Variants in CAMK2A observed in about 807,000 individuals in gnomAD.
CAMK2A encodes the protein calcium/calmodulin dependent protein kinase II alpha.
CAMK2A carries 7 observed loss-of-function variants against 79.2 expected under a neutral mutation model. The ratio of observed to expected loss-of-function variants is 0.09; its 90% CI spans 0.05 to 0.17. The LOEUF is 0.17. CAMK2A is among the 10% of genes least tolerant of loss of function. The pLI is 1.00. For missense variants in CAMK2A, 214 were observed against 646.4 expected (o/e 0.33, Z 7.25); for synonymous variants, 242 against 251.7 (o/e 0.96, Z 0.36).
chr5:150,231,924 G>A (rs945606032), intron 15 of CAMK2A, among the ~76,000 whole-genome samples: 1 of 152,106 alleles, frequency 6.6e-6, no homozygotes, highest in Non-Finnish European at 1.5e-5. Flanking sequence ...GCTCTATTTG[G>A]GTGCCGATAG....
intron 15 of CAMK2A, among the ~76,000 whole-genome samples, chr5:150,236,095 CAA>C (rs1755046176): frequency 6.6e-6 from 1 of 152,044 alleles, no homozygotes; most frequent in South Asian, 2.1e-4. Flanking sequence ...GAAAGTGAGC[CAA>C]AATTCAAGAC....
Position 150,256,914 on chromosome 5 carries a change from T to TGG in CAMK2A, c.273-85_273-84dup. On this transcript the variant is annotated intron_variant, in intron 4 of 18. Transcript: ENST00000671881. This position sits in a 1 kb window ranked among gnomAD's most constrained non-coding sequence, Gnocchi z 4.6. ...GGAGGAGTCTCCAGGAAACTAAGGA[T>TGG]GGGGCCCAGGGACCTCAGGACCTCA... 1 of 1,249,066 alleles carries TGG rather than the reference T, an allele frequency of 8.0e-7. No homozygotes were observed. The highest frequency in any genetic ancestry group is 1.4e-5 in the South Asian group (1 of 72,066). The allele number at this position is 1,249,066 out of a possible 1,614,324, so 77.4% of individuals were successfully genotyped here. A position where few individuals can be genotyped will look rare whatever the true frequency, so the allele number is the denominator to read the frequency against.
At chr5:150,252,424 G>A (rs1472402406) in intron 7 of CAMK2A, among the ~76,000 whole-genome samples, 1 of 152,188 alleles carries the variant, frequency 6.6e-6, no homozygotes, top group Non-Finnish European at 1.5e-5. Context: ...ATTGCTGGTG[G>A]CTTCAAGATG....
intron 3 of CAMK2A, among the ~76,000 whole-genome samples, chr5:150,259,327 C>G (rs976330850): frequency 1.3e-5 from 2 of 151,984 alleles, no homozygotes; most frequent in Non-Finnish European, 2.9e-5. Flanking sequence ...CAAGACCAAC[C>G]TGGGCAACAT....
At chr5:150,257,006 G>C (rs920938470) in intron 4 of CAMK2A, among the ~76,000 whole-genome samples, 175 bp from the exon 5 acceptor site, 12 of 152,138 alleles carry the variant, frequency 7.9e-5, no homozygotes, top group Middle Eastern at 3.2e-3. Context: ...CTGTCTTCCA[G>C]AGCACCCTTC....
intron 7 of CAMK2A, 40 bp from the exon 8 acceptor site, chr5:150,252,105 G>T: frequency 6.7e-7 from 1 of 1,485,498 alleles, no homozygotes; most frequent in South Asian, 1.2e-5. Flanking sequence ...CATACACAGA[G>T]GTTGTCTCGT....
chr5:150,231,442 A>C, intron 15 of CAMK2A, 62 bp from the exon 16 acceptor site: 1 of 534,364 alleles, frequency 1.9e-6, no homozygotes, highest in Non-Finnish European at 2.8e-6. Context: ...AATAATAATA[A>C]TAGTGATGGT....
chr5:150,259,240 G>A (rs952047617), intron 3 of CAMK2A, among the ~76,000 whole-genome samples: 9 of 151,864 alleles, frequency 5.9e-5, no homozygotes, highest in Non-Finnish European at 2.9e-5. Flanking sequence ...AAAAATTTAG[G>A]CCAGGTGCGG....
At position 150,268,386 on chromosome 5, in the gene CAMK2A, T is replaced by C. The variant is rs578110455; in HGVS notation, c.158-3371A>G. ...CTCTGTACCTGCTGTGCCTTCTGCCTGGAAAGCTCTTCCCTGGGTCTTCTC... is the reference window on the plus strand; with the variant it reads ...CTCTGTACCTGCTGTGCCTTCTGCCCGGAAAGCTCTTCCCTGGGTCTTCTC... On this transcript the variant is annotated intron_variant, in intron 2 of 18. Transcript: ENST00000671881. Among the ~76,000 whole-genome samples, 64 of 152,308 alleles carry C rather than the reference T, an allele frequency of 4.2e-4. No homozygotes were observed. The Middle Eastern group carries it at 0.01, about 24-fold the overall frequency.
At chr5:150,261,438 G>A (rs954852986) in intron 3 of CAMK2A, among the ~76,000 whole-genome samples, 1 of 152,220 alleles carries the variant, frequency 6.6e-6, no homozygotes, top group African/African-American at 2.4e-5. Flanking sequence ...TCATGGTCCT[G>A]TCTCCTGGTG....
At chr5:150,239,681 G>A (rs747480901) in intron 14 of CAMK2A, 23 bp downstream of exon 14, 95 of 1,612,438 alleles carry the variant, frequency 5.9e-5, no homozygotes, top group Admixed American at 2.5e-4. Flanking sequence ...ATTTACCGGC[G>A]TTAGGAGACG....
At chr5:150,273,239 T>C in intron 1 of CAMK2A, 80 bp from the exon 2 acceptor site, 1 of 1,040,422 alleles carries the variant, frequency 9.6e-7, no homozygotes, top group Non-Finnish European at 1.5e-6. Context: ...TTCACATCAC[T>C]GCCCCACGCT....
chr5:150,253,376 C>T, intron 7 of CAMK2A, 68 bp downstream of exon 7: 3 of 1,293,440 alleles, frequency 2.3e-6, no homozygotes, highest in Non-Finnish European at 3.4e-6. Flanking sequence ...CAGGGGGTTC[C>T]CAGAGGCTTA....
At chr5:150,285,791 T>C (rs901732815) in intron 1 of CAMK2A, among the ~76,000 whole-genome samples, 1 of 152,122 alleles carries the variant, frequency 6.6e-6, no homozygotes, top group Non-Finnish European at 1.5e-5. Flanking sequence ...CTCTCTCAAG[T>C]AAAATCTCCT....
At chr5:150,269,654 C>T (rs1186579029) in intron 2 of CAMK2A, among the ~76,000 whole-genome samples, 1 of 152,068 alleles carries the variant, frequency 6.6e-6, no homozygotes, top group Non-Finnish European at 1.5e-5. Flanking sequence ...AAACCCAGCC[C>T]CATTCTAATA....
chr5:150,289,726 G>T lies in CAMK2A; in HGVS notation c.-101C>A. On this transcript the variant is annotated 5_prime_UTR_variant, in exon 1 of 19. Coordinates refer to ENST00000671881, the MANE Select transcript of CAMK2A (RefSeq NM_015981.4). ...TAGGGACCACTTGCCTGCCCGTGCT[G>T]CCGAGTGCAAACAGAGAACCGGTTT... 5 of 905,870 alleles carry T rather than the reference G, an allele frequency of 5.5e-6. No individual in the cohort carries two copies. In the South Asian group the frequency reaches 6.1e-5, roughly 11 times the overall value. 56.1% of individuals were successfully genotyped at this position (905,870 alleles called of 1,614,324 possible). A position where few individuals can be genotyped will look rare whatever the true frequency, so the allele number is the denominator to read the frequency against.
chr5:150,221,728 C>G lies in CAMK2A; in HGVS notation c.*982G>C. 1 of 373,886 alleles carries G rather than the reference C, an allele frequency of 2.7e-6. No homozygotes were observed. The allele number at this position is 373,886 out of a possible 1,614,324, so 23.2% of individuals were successfully genotyped here. ...CCTTGGCCCCAATAACCACAGGTGA[C>G]AAGGTCCACCTCAGAGATGACAAAA... On this transcript the variant is annotated 3_prime_UTR_variant, in exon 19 of 19. Coordinates refer to ENST00000671881, the MANE Select transcript of CAMK2A (RefSeq NM_015981.4).
At chr5:150,283,205 A>G (rs1757286642) in intron 1 of CAMK2A, among the ~76,000 whole-genome samples, 1 of 152,176 alleles carries the variant, frequency 6.6e-6, no homozygotes, top group Non-Finnish European at 1.5e-5. Flanking sequence ...GCATCTGGAA[A>G]TTGGGGTCAG....
chr5:150,277,904 G>A (rs572048274), intron 1 of CAMK2A, among the ~76,000 whole-genome samples: 178 of 152,302 alleles, frequency 1.2e-3, no homozygotes, highest in African/African-American at 4.0e-3. Flanking sequence ...GGCCTCAAGT[G>A]AGCAGGCATA....
Sources: gnomAD v4.1 joint callset for allele counts (sites outside exome capture counted in the v4.1 genomes callset) on GRCh38, gnomAD v4.1.1 for gene constraint, Gnocchi (gnomAD v3.1) non-coding constraint, MANE v1.5 for transcripts, NCBI Gene and HGNC (gene_info 2026-07-23, HGNC 2026-07-21) for gene names.